The following ARHGEF15 variants were observed in gnomAD, a reference collection of about 807,000 sequenced individuals.
The protein encoded by ARHGEF15 is Rho guanine nucleotide exchange factor (GEF) 15.
In ARHGEF15, 58 loss-of-function variants were observed where a neutral mutation model predicts 79.7. That is an observed-to-expected ratio of 0.73 (90% CI 0.59 to 0.91). The LOEUF is 0.91. Among genes scored for constraint, ARHGEF15 ranks in the 40% least tolerant of loss-of-function variants. The pLI, the probability that ARHGEF15 is intolerant of heterozygous loss-of-function variation, is 0.00. For missense variants in ARHGEF15, 1,012 were observed against 1,108.1 expected (o/e 0.91, Z 1.23); for synonymous variants, 442 against 456.0 (o/e 0.97, Z 0.39).
rs1905369398 is a variant in ARHGEF15 at position 8,321,240 on chromosome 17, G to A, written c.*247G>A. 2 of 506,316 alleles carry A rather than the reference G, an allele frequency of 4.0e-6. No individual in the cohort carries two copies. Among genetic ancestry groups the A allele is most frequent in the South Asian group, 2.8e-5 (1 of 35,912 alleles). 31.4% of individuals were successfully genotyped at this position (506,316 alleles called of 1,614,324 possible). A position where few individuals can be genotyped will look rare whatever the true frequency, so the allele number is the denominator to read the frequency against. Reference sequence around the variant, plus strand: ...GAGGCTTAGTGCAGAGCAGCCAATGGGTACTGAGCTGGCTGAGCCTATGGC... The same window carrying A: ...GAGGCTTAGTGCAGAGCAGCCAATGAGTACTGAGCTGGCTGAGCCTATGGC... On this transcript the variant is annotated 3_prime_UTR_variant, in exon 16 of 16. Transcript: ENST00000361926.
chr17:8,321,074 T>G lies in ARHGEF15; in HGVS notation c.*81T>G. 1.3e-6 allele frequency: 2 copies of G among 1,568,150 alleles called. No homozygotes were observed. Among genetic ancestry groups the G allele is most frequent in the Non-Finnish European group, 1.7e-6 (2 of 1,146,058 alleles). On this transcript the variant is annotated 3_prime_UTR_variant, in exon 16 of 16. Transcript: ENST00000361926. ...GAACAAAGCCCATTCATCCATTGGA[T>G]TCACTGTCAGTGGAGATACTACCTC... is the stretch of plus-strand genomic sequence containing the variant.
At position 8,312,651 on chromosome 17, in the gene ARHGEF15, C is replaced by A. The variant is rs746728875; in HGVS notation, c.601+11C>A. On this transcript the variant is annotated intron_variant, in intron 2 of 15. Transcript: ENST00000361926. The stretch of plus-strand genomic sequence containing the variant: ...AGAACGGTGCTCCAGGTGAGTGTGG[C>A]GGGTGGGGGGCGCTGGGTGACCTCA... The A allele has an allele frequency of 1.7e-5, 27 of 1,611,710 alleles. No individual in the cohort carries two copies. The highest frequency in any genetic ancestry group is 2.3e-5 in the Non-Finnish European group (27 of 1,179,590).
Position 8,315,327 on chromosome 17 carries a change from A to C in ARHGEF15, c.1260+50A>C. 6.2e-7 allele frequency: 1 copy of C among 1,610,880 alleles called. No homozygotes were observed. The highest frequency in any genetic ancestry group is 8.5e-7 in the Non-Finnish European group (1 of 1,178,222). ...GAGGGGGGTGCTGGGGTTGGGCTGCATGGGTCAGGCATAGGGGAGGAGGGC... is the reference window on the plus strand; with the variant it reads ...GAGGGGGGTGCTGGGGTTGGGCTGCCTGGGTCAGGCATAGGGGAGGAGGGC... On this transcript the variant is annotated intron_variant, in intron 6 of 15. Transcript: ENST00000361926. The surrounding 1 kb of genome is among the most constrained non-coding windows in gnomAD (Gnocchi z 4.3).
rs767245565 is a variant in ARHGEF15, at chr17:8,315,512, C to T, written c.1359C>T (p.Leu453=). Residue 453 remains leucine (L), a synonymous_variant, in exon 7 of 16, where the codon CTC becomes CTT. Transcript: ENST00000361926. The surrounding 1 kb of genome is among the most constrained non-coding windows in gnomAD (Gnocchi z 4.3). ...TGAGCCAGGCACTCCGGGACACGCT[C>T]ACCCCCCGTGATCACCACACACTCT... is the stretch of plus-strand genomic sequence containing the variant. ...FVLSQALRDT[L]TPRDHHTLFS... The T allele has an allele frequency of 3.1e-6, 5 of 1,612,734 alleles. No homozygotes were observed. The East Asian group carries it at 6.7e-5, about 22-fold the overall frequency.
At chr17:8,310,680 A>T (rs1904545735) in intron 1 of ARHGEF15, 1 of 152,280 alleles carries the variant, frequency 6.6e-6, no homozygotes, top group South Asian at 2.1e-4. Context: ...GCTTTTCCCC[A>T]GACCCCTTTA....
intron 4 of ARHGEF15, among the ~76,000 whole-genome samples, chr17:8,314,553 T>G (rs1904879686): frequency 6.6e-6 from 1 of 151,898 alleles, no homozygotes; most frequent in Non-Finnish European, 1.5e-5. Flanking sequence ...ATAGTTGACA[T>G]AAGAATGGGG....
At chr17:8,313,379 T>C in intron 3 of ARHGEF15, 122 bp from the exon 4 acceptor site, 1 of 1,478,094 alleles carries the variant, frequency 6.8e-7, no homozygotes, top group South Asian at 1.3e-5. Context: ...CACCAGCTGC[T>C]GCTCTGGTGC....
chr17:8,315,958 G>C lies in ARHGEF15; in HGVS notation c.1574+51G>C. 6.2e-7 allele frequency: 1 copy of C among 1,601,098 alleles called. No individual in the cohort carries two copies. The highest frequency in any genetic ancestry group is 8.5e-7 in the Non-Finnish European group (1 of 1,178,104). ...AGCTGGGGAGAGGGATGGGACCGAGGCCACAGCAGGTTGGGGCACCAGGGC... is the reference window on the plus strand; with the variant it reads ...AGCTGGGGAGAGGGATGGGACCGAGCCCACAGCAGGTTGGGGCACCAGGGC... On this transcript the variant is annotated intron_variant, in intron 8 of 15. Transcript: ENST00000361926. This position sits in a 1 kb window ranked among gnomAD's most constrained non-coding sequence, Gnocchi z 4.3.
Position 8,321,722 on chromosome 17 carries a change from T to C in ARHGEF15, c.*729T>C, listed in dbSNP as rs1905398425. 6.6e-6 allele frequency: 1 copy of C among 152,226 alleles called. No homozygotes were observed. Among genetic ancestry groups the C allele is most frequent in the Non-Finnish European group, 1.5e-5 (1 of 68,076 alleles). 9.4% of individuals were successfully genotyped at this position (152,226 alleles called of 1,614,324 possible). ...CTTCCTTTACCCCCCATTTTTCCTA[T>C]TATTCGCTCCAAGAAAGATGCTAAG... On this transcript the variant is annotated 3_prime_UTR_variant, in exon 16 of 16. Transcript: ENST00000361926.
intron 9 of ARHGEF15, among the ~76,000 whole-genome samples, chr17:8,317,168 A>G (rs1350128836): frequency 6.6e-6 from 1 of 151,510 alleles, no homozygotes; most frequent in Non-Finnish European, 1.5e-5. Flanking sequence ...TGGCACGATC[A>G]CGGCTCACTG....
intron 4 of ARHGEF15, among the ~76,000 whole-genome samples, chr17:8,314,405 G>C (rs62064283): frequency 0.058 from 8,804 of 152,162 alleles, 306 homozygotes; most frequent in South Asian, 0.16. Flanking sequence ...GGGAGATAAG[G>C]GGCTGCAGGT....
At chr17:8,317,300 A>G (rs540354670) in intron 9 of ARHGEF15, among the ~76,000 whole-genome samples, 4 of 152,178 alleles carry the variant, frequency 2.6e-5, no homozygotes, top group Admixed American at 6.5e-5. Flanking sequence ...GGGTCTCACT[A>G]TGTTGGCCAG....
rs762341051 is a variant in ARHGEF15 at position 8,319,065 on chromosome 17, G to A, written c.2092G>A (p.Val698Ile). The change falls in exon 13 of 16, where the codon GTT becomes ATT. Residue 698 changes from valine (V) to isoleucine (I), a missense_variant. By Grantham distance (29) the Val-to-Ile change is conservative. Transcript: ENST00000361926. ...AHRSLVQAQQ[V>I]PDPSGPPTFR... is the part of the protein sequence containing the mutation. The stretch of plus-strand genomic sequence containing the variant: ...TCGCTCCCTGGTCCAGGCCCAGCAG[G>A]TTCCGGATCCATCTGGACCCCCTAC... 9 of 1,613,834 alleles carry A rather than the reference G, an allele frequency of 5.6e-6. No individual in the cohort carries two copies. The African/African-American group carries it at 6.7e-5, about 12-fold the overall frequency.
rs1905362915 is a variant in ARHGEF15 at position 8,321,113 on chromosome 17, A to G, written c.*120A>G. ...AGATACTACCTCTCGTGGCAACCAT[A>G]GAGATCGAGCTTCAGGACAGAGCAG... On this transcript the variant is annotated 3_prime_UTR_variant, in exon 16 of 16. Coordinates refer to ENST00000361926, the MANE Select transcript of ARHGEF15 (RefSeq NM_173728.4). 2 of 1,413,948 alleles carry G rather than the reference A, an allele frequency of 1.4e-6. No homozygotes were observed. The highest frequency in any genetic ancestry group is 1.9e-6 in the Non-Finnish European group (2 of 1,031,736). 87.6% of individuals were successfully genotyped at this position (1,413,948 alleles called of 1,614,324 possible).
At chr17:8,316,227 CTA>C in intron 9 of ARHGEF15, 79 bp downstream of exon 9, 4 of 1,533,448 alleles carry the variant, frequency 2.6e-6, no homozygotes, top group South Asian at 2.4e-5. Flanking sequence ...GGCCCTCCAG[CTA>C]TCACCATGCA....
At position 8,318,032 on chromosome 17, in the gene ARHGEF15, G is replaced by C. The variant is rs1905140934; in HGVS notation, c.1705-355G>C. The C allele has an allele frequency of 5.8e-6, 1 of 173,722 alleles. No homozygotes were observed. Among genetic ancestry groups the C allele is most frequent in the South Asian group, 1.5e-4 (1 of 6,692 alleles). 10.8% of individuals were successfully genotyped at this position (173,722 alleles called of 1,614,324 possible). On this transcript the variant is annotated intron_variant, in intron 9 of 15. Coordinates refer to ENST00000361926, the MANE Select transcript of ARHGEF15 (RefSeq NM_173728.4). This position sits in a 1 kb window ranked among gnomAD's most constrained non-coding sequence, Gnocchi z 5.0. The stretch of plus-strand genomic sequence containing the variant: ...TGCAGTGAGCCGAGATCGCACCCCT[G>C]CACTCCAGCCTGGGTGACAGAGCCA...
intron 4 of ARHGEF15, among the ~76,000 whole-genome samples, chr17:8,314,580 G>A (rs910869188): frequency 6.6e-6 from 1 of 151,902 alleles, no homozygotes; most frequent in Non-Finnish European, 1.5e-5. Flanking sequence ...TAGTTCAGGG[G>A]CTCCTCTCTA....
At chr17:8,313,373 A>G (rs1247387559) in intron 3 of ARHGEF15, 119 bp downstream of exon 3, 2 of 1,493,012 alleles carry the variant, frequency 1.3e-6, no homozygotes, top group African/African-American at 2.8e-5. Context: ...CTTCCCCACC[A>G]GCTGCTGCTC....
intron 15 of ARHGEF15, among the ~76,000 whole-genome samples, chr17:8,320,505 G>A (rs946217222): frequency 1.3e-5 from 2 of 152,170 alleles, no homozygotes; most frequent in Admixed American, 6.5e-5. Context: ...GGAGGCCAGT[G>A]TGACTAGCAG....
Sources: gnomAD v4.1 joint callset for allele counts (sites outside exome capture counted in the v4.1 genomes callset) on GRCh38, gnomAD v4.1.1 for gene constraint, Gnocchi (gnomAD v3.1) non-coding constraint, MANE v1.5 for transcripts, NCBI Gene and HGNC (gene_info 2026-07-23, HGNC 2026-07-21) for gene names.